TYW1B: variants seen among roughly 807,000 people sequenced by gnomAD.
The protein encoded by TYW1B is tRNA-yW synthesizing protein 1 homolog B.
TYW1B carries 73 observed loss-of-function variants against 86.9 expected under a neutral mutation model. That is an observed-to-expected ratio of 0.84 (90% CI 0.70 to 1.02). TYW1B has a LOEUF of 1.02. Among genes scored for constraint, TYW1B ranks in the 50% least tolerant of loss-of-function variants. The pLI, the probability that TYW1B is intolerant of heterozygous loss-of-function variation, is 0.00. For missense variants in TYW1B, 637 were observed against 827.4 expected, an observed-to-expected ratio of 0.77 and a Z score of 2.82; for synonymous variants, 248 against 292.8, an observed-to-expected ratio of 0.85 and a Z score of 1.56.
At chr7:72,604,582 G>C (rs73372812) in intron 13 of TYW1B, among the ~76,000 whole-genome samples, 3,885 of 152,274 alleles carry the variant, frequency 0.026, 159 homozygotes, top group African/African-American at 0.088. Context: ...GTGACCCGCT[G>C]TACTAGGATA....
chr7:72,652,574 G>A (rs1186528206), intron 11 of TYW1B, among the ~76,000 whole-genome samples: 2 of 152,008 alleles, frequency 1.3e-5, no homozygotes, highest in Admixed American at 6.6e-5. Flanking sequence ...GGTGGGGGAT[G>A]ACAGGGAAGA....
chr7:72,675,060 G>T (rs1813703648), intron 11 of TYW1B, among the ~76,000 whole-genome samples: 1 of 152,102 alleles, frequency 6.6e-6, no homozygotes, highest in South Asian at 2.1e-4. Context: ...GGAGGAAGGA[G>T]TTTGCTTGAA....
rs568767810 is a variant in TYW1B at position 72,632,462 on chromosome 7, CAT to C, written c.1507-3467_1507-3466del. Among the ~76,000 whole-genome samples, 143 of 90,934 alleles carry C rather than the reference CAT, an allele frequency of 1.6e-3. 2 individuals are homozygous for C. The highest frequency in any genetic ancestry group is 6.8e-3 in the African/African-American group (124 of 18,208). 59.7% of individuals were successfully genotyped at this position (90,934 alleles called of 152,430 possible). A position where few individuals can be genotyped will look rare whatever the true frequency, so the allele number is the denominator to read the frequency against. ...CGTATATATATAAAATATATATATA[CAT>C]ATATATATAAAATATATATATACAC... On this transcript the variant is annotated intron_variant, in intron 11 of 13. Transcript: ENST00000620995.
chr7:72,766,069 G>A (rs559992333), intron 7 of TYW1B, among the ~76,000 whole-genome samples: 16 of 152,186 alleles, frequency 1.1e-4, no homozygotes, highest in Middle Eastern at 3.4e-3. Flanking sequence ...CTTTTGTATC[G>A]ATTCATTAAA....
chr7:72,737,468 A>C (rs185903318), intron 8 of TYW1B, among the ~76,000 whole-genome samples: 2 of 152,312 alleles, frequency 1.3e-5, no homozygotes, highest in Admixed American at 6.5e-5. Flanking sequence ...ACAGGAAATT[A>C]AGATTGAGGA....
chr7:72,658,988 C>T (rs1267238345), intron 11 of TYW1B, among the ~76,000 whole-genome samples: 2 of 151,966 alleles, frequency 1.3e-5, no homozygotes, highest in African/African-American at 2.4e-5. Context: ...CCCAAAGTGC[C>T]GGGATTACAG....
intron 13 of TYW1B, among the ~76,000 whole-genome samples, chr7:72,614,917 C>T (rs1812033162): frequency 6.6e-6 from 1 of 152,148 alleles, no homozygotes; most frequent in South Asian, 2.1e-4. Flanking sequence ...TAGACAGGGG[C>T]CAAGATTAAA....
At chr7:72,748,017 TC>T (rs782438063) in intron 7 of TYW1B, among the ~76,000 whole-genome samples, 1 of 152,302 alleles carries the variant, frequency 6.6e-6, no homozygotes, top group Admixed American at 6.5e-5. Flanking sequence ...ACGCCTGTAA[TC>T]CCAGCACTTT....
intron 1 of TYW1B, 43 bp downstream of exon 1, chr7:72,828,029 C>A: frequency 6.2e-7 from 1 of 1,612,492 alleles, no homozygotes; most frequent in South Asian, 1.1e-5. Context: ...AAACGTTTAC[C>A]TCCCCTGCCG....
At chr7:72,586,067 A>G (rs1811268280) in intron 13 of TYW1B, among the ~76,000 whole-genome samples, 1 of 152,012 alleles carries the variant, frequency 6.6e-6, no homozygotes, top group South Asian at 2.1e-4. Flanking sequence ...GACCCACAGA[A>G]CTCTCTGAAA....
At chr7:72,647,267 C>T (rs1812950700) in intron 11 of TYW1B, among the ~76,000 whole-genome samples, 1 of 151,920 alleles carries the variant, frequency 6.6e-6, no homozygotes, top group African/African-American at 2.4e-5. Context: ...TAATTCAGTA[C>T]CAACGTTTAG....
Position 72,590,636 on chromosome 7 carries a change from G to A in TYW1B, c.1786-14917C>T, listed in dbSNP as rs552693140. On this transcript the variant is annotated intron_variant, in intron 13 of 13. Transcript: ENST00000620995. ...AAAGACTAAGTTCATACCTCGGGCT[G>A]ATCCTTGGCACAGAGACAGCCTTCA... 3.9e-5 allele frequency among the ~76,000 whole-genome samples: 6 copies of A among 152,356 alleles called. No homozygotes were observed. In the East Asian group the frequency reaches 9.6e-4, roughly 24 times the overall value.
chr7:72,588,808 G>A (rs1268826708), intron 13 of TYW1B, among the ~76,000 whole-genome samples: 2 of 151,412 alleles, frequency 1.3e-5, no homozygotes, highest in East Asian at 3.9e-4. Flanking sequence ...CCTTGGACAA[G>A]ACTTGCACTT....
intron 11 of TYW1B, among the ~76,000 whole-genome samples, chr7:72,650,766 C>T (rs1813038278): frequency 6.6e-6 from 1 of 152,074 alleles, no homozygotes. Flanking sequence ...CCAAAAGATA[C>T]GTGGTAATCT....
At chr7:72,775,672 C>G (rs1787941487) in intron 7 of TYW1B, among the ~76,000 whole-genome samples, 1 of 151,644 alleles carries the variant, frequency 6.6e-6, no homozygotes, top group South Asian at 2.1e-4. Flanking sequence ...ACCAACAAAC[C>G]TGCACTATGA....
At chr7:72,764,884 T>C (rs1563086421) in intron 7 of TYW1B, among the ~76,000 whole-genome samples, 1 of 152,210 alleles carries the variant, frequency 6.6e-6, no homozygotes, top group South Asian at 2.1e-4. Flanking sequence ...ATAAGCTATC[T>C]ATAGTATACA....
intron 4 of TYW1B, among the ~76,000 whole-genome samples, chr7:72,808,476 A>G (rs1290031000): frequency 7.3e-5 from 11 of 151,600 alleles, no homozygotes; most frequent in East Asian, 1.9e-4. Flanking sequence ...TAATGAAAAT[A>G]TGGAGCAAAA....
chr7:72,684,794 A>G (rs1813966432), intron 11 of TYW1B, among the ~76,000 whole-genome samples: 1 of 152,156 alleles, frequency 6.6e-6, no homozygotes. Context: ...CAAGGACAGG[A>G]GGGAAGAATC....
At chr7:72,803,370 GAA>G in intron 5 of TYW1B, among the ~76,000 whole-genome samples, 1 of 152,200 alleles carries the variant, frequency 6.6e-6, no homozygotes, top group South Asian at 2.1e-4. Context: ...ATGCCAAGCA[GAA>G]GTAGAGGAAA....
Sources: gnomAD v4.1 joint callset for allele counts (sites outside exome capture counted in the v4.1 genomes callset) on GRCh38, gnomAD v4.1.1 for gene constraint, MANE v1.5 for transcripts, NCBI Gene and HGNC (gene_info 2026-07-23, HGNC 2026-07-21) for gene names.